Variants in PCMT1 observed in about 807,000 individuals in gnomAD.
PCMT1 encodes the protein protein-L-isoaspartate(D-aspartate) O-methyltransferase.
PCMT1 carries 9 observed loss-of-function variants against 29.2 expected under a neutral mutation model. That is an observed-to-expected ratio of 0.31 (90% CI 0.19 to 0.54). The LOEUF (loss-of-function observed/expected upper bound fraction) is 0.54. Among genes scored for constraint, PCMT1 ranks in the 20% least tolerant of loss-of-function variants. The pLI is 0.95. For missense variants in PCMT1, 184 were observed against 282.2 expected, an observed-to-expected ratio of 0.65 and a Z score of 2.49; for synonymous variants, 98 against 97.5, an observed-to-expected ratio of 1.00 and a Z score of -0.03.
At chr6:149,784,670 C>T (rs561567541) in intron 3 of PCMT1, among the ~76,000 whole-genome samples, 9 of 152,058 alleles carry the variant, frequency 5.9e-5, no homozygotes, top group African/African-American at 2.2e-4. Context: ...CGCTGTGTTG[C>T]CCAGGCTGGT....
intron 5 of PCMT1, chr6:149,794,836 A>G (rs555498640): frequency 6.1e-6 from 3 of 490,400 alleles, no homozygotes; most frequent in African/African-American, 2.0e-5. Context: ...GACGAAGGTC[A>G]AGTGACAGAT....
chr6:149,790,532 T>C (rs1478138475), intron 4 of PCMT1, among the ~76,000 whole-genome samples: 4 of 149,930 alleles, frequency 2.7e-5, no homozygotes, highest in African/African-American at 9.9e-5. Context: ...TTTTTTTTTT[T>C]CTTCTTAAAA....
At chr6:149,751,135 G>T (rs1376782713) in intron 1 of PCMT1, among the ~76,000 whole-genome samples, 5 of 152,072 alleles carry the variant, frequency 3.3e-5, no homozygotes, top group African/African-American at 1.2e-4. Flanking sequence ...AGGCCGACAT[G>T]GTGAAACCCC....
intron 1 of PCMT1, among the ~76,000 whole-genome samples, chr6:149,755,248 C>T (rs1364876438): frequency 6.6e-6 from 1 of 152,004 alleles, no homozygotes; most frequent in Non-Finnish European, 1.5e-5. Context: ...TTGTCATTTT[C>T]TCTACAAAAA....
chr6:149,787,268 G>GA (rs749959996), intron 3 of PCMT1, among the ~76,000 whole-genome samples: 1 of 85,804 alleles, frequency 1.2e-5, no homozygotes, highest in African/African-American at 3.3e-5. Context: ...GGAGACCGTG[G>GA]AAAGAGAGGG....
intron 5 of PCMT1, chr6:149,794,932 A>G (rs907589918): frequency 2.2e-6 from 1 of 450,018 alleles, no homozygotes; most frequent in African/African-American, 2.0e-5. Context: ...GTGGTGGCTC[A>G]TGCCTGTAAT....
In PCMT1 at chr6:149,789,999, G is replaced by T; in HGVS notation, c.238G>T (p.Ala80Ser). ...TCTATTTGATCAGTTGCATGAAGGA[G>T]CTAAAGCTCTTGATGTAGGATCTGG... ...ELLFDQLHEG[A>S]KALDVGSGSG... The change falls in exon 4 of 8, where the codon GCT becomes TCT. Residue 80 changes from alanine to serine, a missense_variant. By Grantham distance (99) the Ala-to-Ser change is moderately conservative (BLOSUM62 1). Coordinates refer to ENST00000464889, the MANE Select transcript of PCMT1 (RefSeq NM_001360452.2). 6.2e-7 allele frequency: 1 copy of T among 1,611,854 alleles called. No homozygotes were observed. The highest frequency in any genetic ancestry group is 2.2e-5 in the East Asian group (1 of 44,864).
chr6:149,807,796 T>G (rs1282380754), intron 7 of PCMT1, among the ~76,000 whole-genome samples: 4 of 152,220 alleles, frequency 2.6e-5, no homozygotes, highest in Non-Finnish European at 4.4e-5. Flanking sequence ...TAAAGTGCCT[T>G]GCATCTATGA....
intron 1 of PCMT1, among the ~76,000 whole-genome samples, chr6:149,751,039 G>A (rs187801984): frequency 7.4e-4 from 112 of 151,996 alleles, no homozygotes; most frequent in African/African-American, 2.7e-3. Flanking sequence ...TTTTTTGGCC[G>A]GGCTCATTGG....
intron 7 of PCMT1, among the ~76,000 whole-genome samples, chr6:149,806,812 G>C (rs560178043): frequency 5.3e-5 from 8 of 151,858 alleles, no homozygotes; most frequent in Non-Finnish European, 1.2e-4. Flanking sequence ...GGCTGGTCTC[G>C]GACTCCTGAG....
At chr6:149,782,253 T>C (rs576268463) in intron 3 of PCMT1, among the ~76,000 whole-genome samples, 3 of 152,290 alleles carry the variant, frequency 2.0e-5, no homozygotes, top group South Asian at 4.1e-4. Context: ...AATTGTATTA[T>C]ATGAATAAGC....
intron 3 of PCMT1, among the ~76,000 whole-genome samples, chr6:149,782,433 T>C (rs1416234624): frequency 6.6e-6 from 1 of 152,158 alleles, no homozygotes; most frequent in African/African-American, 2.4e-5. Flanking sequence ...AAAAATGTGA[T>C]GCGTGCAGTG....
chr6:149,770,506 G>A (rs910771693), intron 1 of PCMT1, among the ~76,000 whole-genome samples: 1 of 151,870 alleles, frequency 6.6e-6, no homozygotes, highest in East Asian at 1.9e-4. Flanking sequence ...GGAGATGAAG[G>A]CCAGCCTGGC....
At chr6:149,777,848 CCTT>C (rs1787637174) in intron 3 of PCMT1, among the ~76,000 whole-genome samples, 1 of 144,942 alleles carries the variant, frequency 6.9e-6, no homozygotes, top group Admixed American at 7.0e-5. Flanking sequence ...CTCCTTCCTT[CCTT>C]CCTTCCTTCT....
chr6:149,777,043 G>A (rs1167552865), intron 3 of PCMT1, among the ~76,000 whole-genome samples: 1 of 152,110 alleles, frequency 6.6e-6, no homozygotes, highest in Non-Finnish European at 1.5e-5. Flanking sequence ...TCCACAAATG[G>A]TGGATGGTTA....
At chr6:149,780,454 A>G (rs1275071620) in intron 3 of PCMT1, among the ~76,000 whole-genome samples, 1 of 152,144 alleles carries the variant, frequency 6.6e-6, no homozygotes, top group Non-Finnish European at 1.5e-5. Context: ...ACTCTCTAAT[A>G]TGAGGTTTTC....
chr6:149,761,751 C>T (rs1786748678), intron 1 of PCMT1, among the ~76,000 whole-genome samples: 2 of 152,088 alleles, frequency 1.3e-5, no homozygotes, highest in Non-Finnish European at 2.9e-5. Flanking sequence ...TAGGGAGTTC[C>T]CGCTCTCATT....
intron 3 of PCMT1, among the ~76,000 whole-genome samples, chr6:149,778,358 A>G (rs1311404037): frequency 6.6e-6 from 1 of 151,832 alleles, no homozygotes; most frequent in Non-Finnish European, 1.5e-5. Context: ...CCTCCTGAGT[A>G]GCTAGGATTA....
intron 6 of PCMT1, chr6:149,798,043 C>T (rs1464554150): frequency 1.3e-5 from 2 of 151,846 alleles, no homozygotes; most frequent in Admixed American, 6.6e-5. Context: ...ACTTGTAGTC[C>T]CAGCTACTCA....
Sources: allele counts gnomAD v4.1 joint callset (sites outside exome capture counted in the v4.1 genomes callset), GRCh38; gene constraint gnomAD v4.1.1; transcripts MANE v1.5; gene names NCBI Gene and HGNC (gene_info 2026-07-23, HGNC 2026-07-21).